Variants in KCNMA1 observed in about 807,000 individuals in gnomAD.
KCNMA1 encodes potassium calcium-activated channel subfamily M alpha 1.
KCNMA1 carries 29 observed loss-of-function variants against 140.0 expected under a neutral mutation model. The ratio of observed to expected loss-of-function variants is 0.21; its 90% CI spans 0.15 to 0.28. KCNMA1 has a LOEUF of 0.28. Among genes scored for constraint, KCNMA1 ranks in the 10% least tolerant of loss-of-function variants. KCNMA1 has a pLI of 1.00. For synonymous variants in KCNMA1, 612 were observed against 611.9 expected (o/e 1.00, Z 0.00); for missense variants, 880 against 1,602.2 (o/e 0.55, Z 7.70).
chr10:77,124,168 G>C (rs189609121), intron 5 of KCNMA1, among the ~76,000 whole-genome samples: 17 of 152,180 alleles, frequency 1.1e-4, no homozygotes, highest in African/African-American at 4.1e-4. Flanking sequence ...CATTCTGTGT[G>C]TGCATAGATA....
intron 2 of KCNMA1, among the ~76,000 whole-genome samples, chr10:77,252,486 G>A (rs2059832844): frequency 6.6e-6 from 1 of 151,560 alleles, no homozygotes; most frequent in Non-Finnish European, 1.5e-5. Context: ...TGGGTAGAGA[G>A]GAATCCCAAT....
intron 1 of KCNMA1, among the ~76,000 whole-genome samples, chr10:77,447,918 A>G (rs1370519220): frequency 5.9e-5 from 9 of 152,230 alleles, no homozygotes; most frequent in African/African-American, 1.9e-4. Context: ...AAAACAACCG[A>G]GGGCTTAGTG....
At chr10:77,393,795 G>A (rs564232044) in intron 2 of KCNMA1, among the ~76,000 whole-genome samples, 136 of 152,372 alleles carry the variant, frequency 8.9e-4, no homozygotes, top group Non-Finnish European at 1.4e-3. Context: ...AAGAGTAGGA[G>A]CTCTAGTTCA....
chr10:76,885,262 GT>G lies in KCNMA1; in HGVS notation c.*2003del. The stretch of plus-strand genomic sequence containing the variant: ...AGTTATATATATATAATTATATATA[GT>G]TTATATAAAGAGATAGTTATACATA... On this transcript the variant is annotated 3_prime_UTR_variant, in exon 28 of 28. Coordinates refer to ENST00000286628, the MANE Select transcript of KCNMA1 (RefSeq NM_001161352.2). 1 of 533,714 alleles carries G rather than the reference GT, an allele frequency of 1.9e-6. No individual in the cohort carries two copies. Among genetic ancestry groups the G allele is most frequent in the Non-Finnish European group, 2.4e-6 (1 of 419,538 alleles). The allele number at this position is 533,714 out of a possible 1,614,324, so 33.1% of individuals were successfully genotyped here.
intron 5 of KCNMA1, among the ~76,000 whole-genome samples, chr10:77,178,620 G>A (rs1226996265): frequency 3.9e-5 from 6 of 152,056 alleles, no homozygotes; most frequent in South Asian, 2.1e-4. Flanking sequence ...CAGGAGAATC[G>A]CTTGAACCCA....
At chr10:77,049,209 A>G (rs2095259192) in intron 14 of KCNMA1, among the ~76,000 whole-genome samples, 2 of 152,266 alleles carry the variant, frequency 1.3e-5, no homozygotes, top group South Asian at 4.1e-4. Context: ...ATGTCTCTCT[A>G]TGACCTTTTT....
At chr10:77,199,456 G>A (rs77419219) in intron 3 of KCNMA1, among the ~76,000 whole-genome samples, 2,790 of 152,256 alleles carry the variant, frequency 0.018, 107 homozygotes, top group East Asian at 0.18. Flanking sequence ...ATTTAATCAT[G>A]CTGTGCCTCA....
intron 1 of KCNMA1, among the ~76,000 whole-genome samples, chr10:77,550,574 C>T (rs137938955): frequency 5.8e-4 from 89 of 152,314 alleles, no homozygotes; most frequent in Non-Finnish European, 1.0e-3. Context: ...AGAGCTGGAA[C>T]GGGCCCTGAA....
At chr10:77,427,711 CCATCCATT>C (rs143801102) in intron 1 of KCNMA1, among the ~76,000 whole-genome samples, 26,680 of 108,444 alleles carry the variant, frequency 0.25, 2,744 homozygotes, top group South Asian at 0.36. Flanking sequence ...TCCTGAGCAT[CCATCCATT>C]CATTTATTTA....
chr10:76,966,821 C>T (rs1228497115), intron 20 of KCNMA1, among the ~76,000 whole-genome samples: 3 of 152,190 alleles, frequency 2.0e-5, no homozygotes, highest in African/African-American at 7.2e-5. Flanking sequence ...CATCATTACA[C>T]GTGTGTCCTC....
intron 25 of KCNMA1, among the ~76,000 whole-genome samples, chr10:76,907,648 C>T (rs1428936163): frequency 6.6e-6 from 1 of 152,212 alleles, no homozygotes; most frequent in Non-Finnish European, 1.5e-5. Context: ...AAGCGATTCT[C>T]AGGCCTCAGC....
chr10:77,406,887 G>A (rs559205486), intron 1 of KCNMA1, among the ~76,000 whole-genome samples: 1 of 152,266 alleles, frequency 6.6e-6, no homozygotes, highest in Non-Finnish European at 1.5e-5. Flanking sequence ...AGTCCTGGGG[G>A]CCCAAGTTCC....
chr10:77,535,217 C>T (rs956692976), intron 1 of KCNMA1, among the ~76,000 whole-genome samples: 1 of 152,198 alleles, frequency 6.6e-6, no homozygotes, highest in Non-Finnish European at 1.5e-5. Context: ...AATACTCCAA[C>T]CAGGGCTCAA....
intron 4 of KCNMA1, among the ~76,000 whole-genome samples, chr10:77,184,350 G>C (rs2098829538): frequency 6.6e-6 from 1 of 152,128 alleles, no homozygotes; most frequent in African/African-American, 2.4e-5. Flanking sequence ...CTCCTGAGTA[G>C]CTGGGATTAC....
chr10:76,878,124 C>T (rs2032878412), intron 29 of KCNMA1, among the ~76,000 whole-genome samples: 1 of 152,136 alleles, frequency 6.6e-6, no homozygotes, highest in South Asian at 2.1e-4. Context: ...GACTCATAGG[C>T]ACCATGGGCG....
intron 29 of KCNMA1, among the ~76,000 whole-genome samples, chr10:76,879,854 T>G (rs1214284801): frequency 6.6e-6 from 1 of 152,236 alleles, no homozygotes; most frequent in Non-Finnish European, 1.5e-5. Flanking sequence ...AGTGTGATGG[T>G]TATCATGTTT....
chr10:77,280,134 T>C (rs974859599), intron 2 of KCNMA1, among the ~76,000 whole-genome samples: 1 of 152,140 alleles, frequency 6.6e-6, no homozygotes. Flanking sequence ...ATGAAAGAAA[T>C]GGTGTGCTTA....
intron 2 of KCNMA1, among the ~76,000 whole-genome samples, chr10:77,365,782 C>G (rs35778): frequency 0.81 from 123,478 of 152,102 alleles, 50,314 homozygotes; most frequent in Middle Eastern, 0.88. Flanking sequence ...GATGGTTCAG[C>G]CCACTCATCA....
At chr10:76,996,526 G>A (rs533646775) in intron 19 of KCNMA1, among the ~76,000 whole-genome samples, 14 of 152,302 alleles carry the variant, frequency 9.2e-5, no homozygotes, top group South Asian at 8.3e-4. Context: ...CAAGACGCAT[G>A]GGCCAGGGTA....
Sources: gnomAD v4.1 joint callset for allele counts (sites outside exome capture counted in the v4.1 genomes callset) on GRCh38, gnomAD v4.1.1 for gene constraint, MANE v1.5 for transcripts, NCBI Gene and HGNC (gene_info 2026-07-23, HGNC 2026-07-21) for gene names.